Variants in LRBA observed in about 807,000 individuals in gnomAD.
LRBA encodes lipopolysaccharide-responsive and beige-like anchor protein.
In LRBA, 176 loss-of-function variants were observed where a neutral mutation model predicts 330.0. The ratio of observed to expected loss-of-function variants is 0.53; its 90% CI spans 0.47 to 0.60. The LOEUF is 0.60. LRBA is among the 20% of genes least tolerant of loss of function. The pLI, the probability that LRBA is intolerant of heterozygous loss-of-function variation, is 0.00. For missense variants in LRBA, 3,259 were observed against 3,444.8 expected (o/e 0.95, Z 1.35); for synonymous variants, 1,230 against 1,193.0 (o/e 1.03, Z -0.64).
intron 48 of LRBA, among the ~76,000 whole-genome samples, chr4:150,349,763 G>A (rs1271961515): frequency 6.6e-6 from 1 of 152,042 alleles, no homozygotes; most frequent in Non-Finnish European, 1.5e-5. Flanking sequence ...ACCTTAACAG[G>A]TTCAAATAGA....
intron 40 of LRBA, among the ~76,000 whole-genome samples, chr4:150,510,503 A>T (rs62344702): frequency 0.21 from 32,693 of 152,148 alleles, 4,366 homozygotes; most frequent in Non-Finnish European, 0.3. Flanking sequence ...AAATATATTA[A>T]ATGTCTTCTC....
At chr4:151,000,919 G>C (rs1357689121) in intron 2 of LRBA, among the ~76,000 whole-genome samples, 1 of 152,208 alleles carries the variant, frequency 6.6e-6, no homozygotes, top group African/African-American at 2.4e-5. Flanking sequence ...TCCCCACTGC[G>C]GGGAAACAGT....
At chr4:150,324,785 C>G (rs1319022022) in intron 49 of LRBA, among the ~76,000 whole-genome samples, 1 of 152,016 alleles carries the variant, frequency 6.6e-6, no homozygotes, top group African/African-American at 2.4e-5. Context: ...TTTGTAGTTT[C>G]TATTCTTAAT....
intron 37 of LRBA, among the ~76,000 whole-genome samples, chr4:150,607,618 T>C (rs532945888): frequency 6.6e-5 from 10 of 151,606 alleles, no homozygotes; most frequent in African/African-American, 2.4e-4. Flanking sequence ...AATAGGGAGA[T>C]TGACCAGGCA....
intron 40 of LRBA, among the ~76,000 whole-genome samples, chr4:150,494,834 AAAAT>A (rs1693669567): frequency 6.6e-6 from 1 of 152,182 alleles, no homozygotes; most frequent in Non-Finnish European, 1.5e-5. Flanking sequence ...TCTCAATAAA[AAAAT>A]AAATAAATAA....
At chr4:150,881,722 C>T (rs1446305037) in intron 17 of LRBA, among the ~76,000 whole-genome samples, 2 of 152,134 alleles carry the variant, frequency 1.3e-5, no homozygotes, top group Admixed American at 1.3e-4. Context: ...AAAACTGTAA[C>T]ACACTAAGAT....
chr4:150,283,954 G>T (rs1001684490), intron 54 of LRBA, among the ~76,000 whole-genome samples: 1 of 152,140 alleles, frequency 6.6e-6, no homozygotes, highest in Non-Finnish European at 1.5e-5. Context: ...TTGTCTCCCA[G>T]TGATAAAGCC....
At chr4:150,376,038 A>G (rs1052953768) in intron 47 of LRBA, among the ~76,000 whole-genome samples, 1 of 152,184 alleles carries the variant, frequency 6.6e-6, no homozygotes. Flanking sequence ...AGGTAAAAAT[A>G]ATTAATTAGG....
intron 49 of LRBA, among the ~76,000 whole-genome samples, chr4:150,323,139 GT>G (rs1276148420): frequency 6.6e-6 from 1 of 151,886 alleles, no homozygotes; most frequent in East Asian, 1.9e-4. Context: ...CACAAAGAAC[GT>G]TTTATATAGT....
chr4:150,928,935 G>C lies in LRBA; in HGVS notation c.347C>G (p.Ala116Gly). The change falls in exon 3 of 57, where the codon GCC becomes GGC. Residue 116 changes from alanine (A) to glycine (G), a missense_variant. Ala to Gly is a moderately conservative substitution (Grantham distance 60). Transcript: ENST00000651943. ...CQAEVWSMFT[A>G]ILKKSIRNLQ... ...ATTCCGTATGCTTTTCTTCAGAATG[G>C]CTGTAAACATGCTCCAGACTTCTGC... The C allele has an allele frequency of 6.2e-7, 1 of 1,613,840 alleles. No individual in the cohort carries two copies. Among genetic ancestry groups the C allele is most frequent in the Non-Finnish European group, 8.5e-7 (1 of 1,179,910 alleles).
chr4:150,808,716 G>C (rs1743167587), intron 31 of LRBA, among the ~76,000 whole-genome samples: 1 of 152,154 alleles, frequency 6.6e-6, no homozygotes. Context: ...AAAGTTACAA[G>C]TAAAAGCATT....
chr4:150,821,124 A>G (rs1745373088), intron 30 of LRBA, among the ~76,000 whole-genome samples: 1 of 152,138 alleles, frequency 6.6e-6, no homozygotes, highest in Non-Finnish European at 1.5e-5. Context: ...AATGTTTAAG[A>G]ACAATTATTG....
chr4:150,594,637 T>A (rs1206456520), intron 38 of LRBA, among the ~76,000 whole-genome samples: 1 of 152,090 alleles, frequency 6.6e-6, no homozygotes, highest in Non-Finnish European at 1.5e-5. Context: ...ATTTCACCTT[T>A]TATTCTAGTT....
At chr4:150,938,570 C>G (rs1237078752) in intron 2 of LRBA, among the ~76,000 whole-genome samples, 1 of 152,134 alleles carries the variant, frequency 6.6e-6, no homozygotes, top group Admixed American at 6.6e-5. Context: ...AAGTTCTGAC[C>G]AACAGGCAGT....
intron 15 of LRBA, 66 bp downstream of exon 15, chr4:150,897,673 T>C (rs1382777855): frequency 2.7e-6 from 3 of 1,117,936 alleles, no homozygotes; most frequent in Non-Finnish European, 4.0e-6. Flanking sequence ...AAACCAAGAT[T>C]GTATTTCATG....
At chr4:150,927,013 G>C in intron 4 of LRBA, among the ~76,000 whole-genome samples, 1 of 151,580 alleles carries the variant, frequency 6.6e-6, no homozygotes, top group East Asian at 1.9e-4. Context: ...GGAGGTTGCA[G>C]TGAGCAGAGA....
At chr4:150,484,373 T>C (rs950642552) in intron 42 of LRBA, among the ~76,000 whole-genome samples, 12 of 152,000 alleles carry the variant, frequency 7.9e-5, no homozygotes, top group Non-Finnish European at 1.5e-4. Context: ...ATTTCTTCAT[T>C]AGTGATATTT....
intron 40 of LRBA, among the ~76,000 whole-genome samples, chr4:150,537,275 C>G (rs1764762555): frequency 6.6e-6 from 1 of 152,084 alleles, no homozygotes; most frequent in Non-Finnish European, 1.5e-5. Context: ...GGTATCCATA[C>G]ACAAAAAATG....
Position 150,480,137 on chromosome 4 carries a change from T to C in LRBA, c.6551+7595A>G, listed in dbSNP as rs181739010. On this transcript the variant is annotated intron_variant, in intron 42 of 56. Transcript: ENST00000651943. ...AAATTAGTTAACTAAATTGTATTGA[T>C]GATGAATCAATACCTACTATGAAAG... Among the ~76,000 whole-genome samples, 279 of 152,256 alleles carry C rather than the reference T, an allele frequency of 1.8e-3. 1 individual carries two copies. The highest frequency in any genetic ancestry group is 3.3e-3 in the Admixed American group (51 of 15,282).
Sources: gnomAD v4.1 joint callset for allele counts (sites outside exome capture counted in the v4.1 genomes callset) on GRCh38, gnomAD v4.1.1 for gene constraint, MANE v1.5 for transcripts, NCBI Gene and HGNC (gene_info 2026-07-23, HGNC 2026-07-21) for gene names.